Variants in ASZ1 observed in about 807,000 individuals in gnomAD.
ASZ1 encodes the protein ankyrin repeat, SAM and basic leucine zipper domain-containing protein 1.
A neutral mutation model predicts 61.8 loss-of-function variants in ASZ1; 67 were observed. The observed-to-expected ratio is 1.08, with a 90% CI of 0.89 to 1.33. The LOEUF (loss-of-function observed/expected upper bound fraction) is 1.33, where lower values mean the gene tolerates loss of function less well. Ranked by LOEUF, ASZ1 falls within the 40% of genes most tolerant of loss-of-function variation. The pLI, the probability that ASZ1 is intolerant of heterozygous loss-of-function variation, is 0.00. For missense variants in ASZ1, 577 were observed against 554.5 expected, an observed-to-expected ratio of 1.04 and a Z score of -0.41; for synonymous variants, 193 against 192.7, an observed-to-expected ratio of 1.00 and a Z score of -0.01.
chr7:117,381,542 C>T (rs899361656), intron 8 of ASZ1, among the ~76,000 whole-genome samples: 1 of 152,106 alleles, frequency 6.6e-6, no homozygotes, highest in Non-Finnish European at 1.5e-5. Flanking sequence ...TTTACTGCTT[C>T]AGTATCTCCA....
intron 2 of ASZ1, among the ~76,000 whole-genome samples, chr7:117,425,860 G>A (rs956675839): frequency 5.3e-5 from 8 of 151,858 alleles, no homozygotes; most frequent in Non-Finnish European, 1.0e-4. Context: ...CTTGGTGACC[G>A]GTGCTTTTAG....
At chr7:117,375,477 T>C (rs1474053373) in intron 10 of ASZ1, among the ~76,000 whole-genome samples, 1 of 152,104 alleles carries the variant, frequency 6.6e-6, no homozygotes, top group African/African-American at 2.4e-5. Context: ...TAGTTAATCT[T>C]AGACTTTCCA....
intron 4 of ASZ1, among the ~76,000 whole-genome samples, chr7:117,389,807 GCTAGCATTTGATAAATAAAATTACTT>G (rs1374137025): frequency 6.6e-6 from 1 of 152,116 alleles, no homozygotes; most frequent in African/African-American, 2.4e-5. Flanking sequence ...TTCTCCAATT[GCTAGCATTTGATAAATAAAATTACTT>G]TCCTTTCACC....
At position 117,422,220 on chromosome 7, in the gene ASZ1, T is replaced by C; in HGVS notation, c.328+17A>G. The C allele has an allele frequency of 6.2e-7, 1 of 1,605,598 alleles. No individual in the cohort carries two copies. Among genetic ancestry groups the C allele is most frequent in the East Asian group, 2.2e-5 (1 of 44,822 alleles). ...TCACAGTAAGCATAATCATTTAAGTTATCTAAAACATCTTACCCTTCTCAA... is the reference window on the plus strand; with the variant it reads ...TCACAGTAAGCATAATCATTTAAGTCATCTAAAACATCTTACCCTTCTCAA... On this transcript the variant is annotated intron_variant, in intron 3 of 12. Coordinates refer to ENST00000284629, the MANE Select transcript of ASZ1 (RefSeq NM_130768.3).
intron 2 of ASZ1, among the ~76,000 whole-genome samples, chr7:117,425,007 T>G (rs1797170072): frequency 6.6e-6 from 1 of 152,186 alleles, no homozygotes; most frequent in Non-Finnish European, 1.5e-5. Flanking sequence ...TTAGGAAGAT[T>G]TGGTAACTTA....
chr7:117,388,875 T>C (rs1335384889), intron 4 of ASZ1, among the ~76,000 whole-genome samples: 1 of 152,122 alleles, frequency 6.6e-6, no homozygotes, highest in East Asian at 1.9e-4. Flanking sequence ...ATGATGTATA[T>C]AGAAAACCTG....
chr7:117,373,189 T>A (rs1274241022), intron 10 of ASZ1, among the ~76,000 whole-genome samples: 1 of 152,122 alleles, frequency 6.6e-6, no homozygotes, highest in Non-Finnish European at 1.5e-5. Context: ...AATTTATTAT[T>A]TCTGTTCAAA....
chr7:117,393,670 T>A (rs1271671493), intron 4 of ASZ1, among the ~76,000 whole-genome samples: 2 of 152,234 alleles, frequency 1.3e-5, no homozygotes, highest in East Asian at 1.9e-4. Flanking sequence ...ATATGAGAGT[T>A]ACTATTACTT....
Position 117,378,937 on chromosome 7 carries a change from G to T in ASZ1, c.1055+1001C>A, listed in dbSNP as rs181138988. Among the ~76,000 whole-genome samples, 4 of 151,346 alleles carry T rather than the reference G, an allele frequency of 2.6e-5. No individual in the cohort carries two copies. In the East Asian group the frequency reaches 7.8e-4, roughly 29 times the overall value. On this transcript the variant is annotated intron_variant, in intron 10 of 12. Coordinates refer to ENST00000284629, the MANE Select transcript of ASZ1 (RefSeq NM_130768.3). ...GATTGAAAAAAGTTAATCTCAAAAG[G>T]ATATATACTGTATGATTCTATTTAT...
chr7:117,384,919 G>A, intron 5 of ASZ1, 59 bp from the exon 6 acceptor site: 5 of 1,419,672 alleles, frequency 3.5e-6, no homozygotes, highest in Non-Finnish European at 4.7e-6. Context: ...GAGACAGACA[G>A]GAAAAGTTTT....
At chr7:117,366,614 T>C (rs1017601516) in intron 12 of ASZ1, among the ~76,000 whole-genome samples, 2 of 151,768 alleles carry the variant, frequency 1.3e-5, no homozygotes, top group African/African-American at 2.4e-5. Flanking sequence ...CAATTTTTTT[T>C]AAAGTGGAAA....
At chr7:117,377,123 TAA>T (rs1796152605) in intron 10 of ASZ1, among the ~76,000 whole-genome samples, 1 of 151,828 alleles carries the variant, frequency 6.6e-6, no homozygotes, top group Non-Finnish European at 1.5e-5. Flanking sequence ...TGGAAACAAA[TAA>T]AAAGAGAAAT....
chr7:117,408,820 G>T (rs1489462974), intron 4 of ASZ1, among the ~76,000 whole-genome samples: 2 of 152,080 alleles, frequency 1.3e-5, no homozygotes, highest in African/African-American at 4.8e-5. Flanking sequence ...ATGAGTGGTT[G>T]CCTTCTGGGT....
chr7:117,420,808 G>A (rs1395861692), intron 3 of ASZ1, among the ~76,000 whole-genome samples: 2 of 152,112 alleles, frequency 1.3e-5, no homozygotes, highest in Non-Finnish European at 2.9e-5. Flanking sequence ...TGGCTCTCAT[G>A]GTGCCAGCAA....
chr7:117,404,550 A>G (rs1796746332), intron 4 of ASZ1, among the ~76,000 whole-genome samples: 1 of 151,816 alleles, frequency 6.6e-6, no homozygotes, highest in Non-Finnish European at 1.5e-5. Flanking sequence ...GGTGCTTAAG[A>G]CAGAAACTGG....
intron 11 of ASZ1, chr7:117,368,282 T>A (rs1164356062): frequency 1.0e-6 from 1 of 983,118 alleles, no homozygotes; most frequent in African/African-American, 1.8e-5. Context: ...ATATGGTTTT[T>A]AAATAACACA....
At chr7:117,364,954 C>T (rs1413803767) in intron 12 of ASZ1, among the ~76,000 whole-genome samples, 1 of 151,610 alleles carries the variant, frequency 6.6e-6, no homozygotes, top group African/African-American at 2.4e-5. Flanking sequence ...CTTGACCTCT[C>T]CCACCCTCTC....
At chr7:117,391,920 T>A (rs1796478143) in intron 4 of ASZ1, among the ~76,000 whole-genome samples, 1 of 151,978 alleles carries the variant, frequency 6.6e-6, no homozygotes, top group Admixed American at 6.6e-5. Flanking sequence ...GCCTCCCGAG[T>A]AGCTGGGAGT....
chr7:117,364,204 A>T (rs941740397), intron 12 of ASZ1, among the ~76,000 whole-genome samples: 2 of 152,218 alleles, frequency 1.3e-5, no homozygotes, highest in Non-Finnish European at 2.9e-5. Context: ...GTAGAAACTT[A>T]ATTTATTTAA....
Sources: gnomAD v4.1 joint callset for allele counts (sites outside exome capture counted in the v4.1 genomes callset) on GRCh38, gnomAD v4.1.1 for gene constraint, MANE v1.5 for transcripts, NCBI Gene and HGNC (gene_info 2026-07-23, HGNC 2026-07-21) for gene names.